Variants in SLC44A1 observed in about 807,000 individuals in gnomAD.
The protein encoded by SLC44A1 is solute carrier family 44 member 1.
A neutral mutation model predicts 79.3 loss-of-function variants in SLC44A1; 26 were observed. The ratio of observed to expected loss-of-function variants is 0.33; its 90% CI spans 0.24 to 0.46. The LOEUF is 0.46. SLC44A1 is among the 20% of genes least tolerant of loss of function. SLC44A1 has a pLI of 1.00. For synonymous variants in SLC44A1, 263 were observed against 286.2 expected, an observed-to-expected ratio of 0.92 and a Z score of 0.82; for missense variants, 688 against 798.1, an observed-to-expected ratio of 0.86 and a Z score of 1.66.
chr9:105,372,452 T>C (rs1828133644), intron 12 of SLC44A1, among the ~76,000 whole-genome samples: 1 of 151,852 alleles, frequency 6.6e-6, no homozygotes, highest in African/African-American at 2.4e-5. Flanking sequence ...CACGCCCGGC[T>C]AATTTTTTTG....
intron 3 of SLC44A1, among the ~76,000 whole-genome samples, chr9:105,312,196 A>G (rs1831200146): frequency 6.6e-6 from 1 of 152,130 alleles, no homozygotes; most frequent in Admixed American, 6.6e-5. Flanking sequence ...GACTTCATGA[A>G]TATTGTTTCT....
At chr9:105,290,138 C>T (rs1354805800) in intron 1 of SLC44A1, among the ~76,000 whole-genome samples, 2 of 152,070 alleles carry the variant, frequency 1.3e-5, no homozygotes, top group Non-Finnish European at 2.9e-5. Flanking sequence ...TTTATCTGTT[C>T]CATCATGGAA....
chr9:105,295,065 G>A (rs980813689), intron 1 of SLC44A1, among the ~76,000 whole-genome samples: 1 of 152,072 alleles, frequency 6.6e-6, no homozygotes, highest in Non-Finnish European at 1.5e-5. Context: ...CTGTCTTACA[G>A]TTCCTGTTTT....
chr9:105,383,847 G>A (rs967373191), intron 14 of SLC44A1, among the ~76,000 whole-genome samples: 24 of 152,288 alleles, frequency 1.6e-4, no homozygotes, highest in African/African-American at 5.8e-4. Flanking sequence ...ACCGATAACA[G>A]ACCCATGACT....
downstream of SLC44A1, among the ~76,000 whole-genome samples, chr9:105,401,398 A>G (rs1828955634): frequency 6.6e-6 from 1 of 152,212 alleles, no homozygotes; most frequent in Non-Finnish European, 1.5e-5. Context: ...CGTATTATTT[A>G]TAAGGGATTA....
chr9:105,297,509 A>G (rs539585800), intron 1 of SLC44A1, among the ~76,000 whole-genome samples: 1 of 152,086 alleles, frequency 6.6e-6, no homozygotes, highest in Admixed American at 6.5e-5. Flanking sequence ...TCAGCCTCCC[A>G]AGTAGCTGGG....
At chr9:105,276,902 A>G (rs1230371145) in intron 1 of SLC44A1, among the ~76,000 whole-genome samples, 1 of 152,174 alleles carries the variant, frequency 6.6e-6, no homozygotes, top group Non-Finnish European at 1.5e-5. Flanking sequence ...ACAGGAAGAT[A>G]TTATGGGGTT....
At chr9:105,411,022 A>G (rs1399563790) in intron 15 of SLC44A1, among the ~76,000 whole-genome samples, 1 of 152,238 alleles carries the variant, frequency 6.6e-6, no homozygotes, top group Non-Finnish European at 1.5e-5. Flanking sequence ...CATGCTTATC[A>G]GGCACTGGGG....
intron 1 of SLC44A1, among the ~76,000 whole-genome samples, chr9:105,281,579 G>A (rs567231262): frequency 6.6e-6 from 1 of 152,150 alleles, no homozygotes; most frequent in Non-Finnish European, 1.5e-5. Context: ...ATATCGTCTG[G>A]AAGGGAGGTT....
At chr9:105,369,947 T>C (rs1478060034) in intron 12 of SLC44A1, among the ~76,000 whole-genome samples, 3 of 152,238 alleles carry the variant, frequency 2.0e-5, no homozygotes, top group African/African-American at 7.2e-5. Flanking sequence ...TTTAAAAAGA[T>C]TCCTGGATGG....
intron 15 of SLC44A1, among the ~76,000 whole-genome samples, chr9:105,428,432 A>G (rs1450907740): frequency 2.0e-5 from 3 of 152,122 alleles, no homozygotes; most frequent in Non-Finnish European, 4.4e-5. Context: ...TAGATCTATG[A>G]TATTCTAAGA....
chr9:105,395,019 G>A lies in SLC44A1; in HGVS notation c.*5963G>A, dbSNP rs1828846985. On this transcript the variant is annotated 3_prime_UTR_variant, in exon 16 of 16. Transcript: ENST00000374720. Reference sequence around the variant, plus strand: ...GAAGGCTCCCTGGGCCCTTGAAAAAGCAGGCAGAAACTCATCAAGGGGTTT... The same window carrying A: ...GAAGGCTCCCTGGGCCCTTGAAAAAACAGGCAGAAACTCATCAAGGGGTTT... 1 of 985,340 alleles carries A rather than the reference G, an allele frequency of 1.0e-6. No homozygotes were observed. The highest frequency in any genetic ancestry group is 1.7e-5 in the African/African-American group (1 of 57,212). The allele number at this position is 985,340 out of a possible 1,614,324, so 61.0% of individuals were successfully genotyped here.
rs1828715260 is a variant in SLC44A1 at position 105,389,703 on chromosome 9, A to G, written c.*647A>G. The G allele has an allele frequency of 7.9e-7, 1 of 1,266,338 alleles. No individual in the cohort carries two copies. Among genetic ancestry groups the G allele is most frequent in the Non-Finnish European group, 1.0e-6 (1 of 1,004,956 alleles). The allele number at this position is 1,266,338 out of a possible 1,614,324, so 78.4% of individuals were successfully genotyped here. On this transcript the variant is annotated 3_prime_UTR_variant, in exon 16 of 16. Coordinates refer to ENST00000374720, the MANE Select transcript of SLC44A1 (RefSeq NM_080546.5). ...CCAACTCCTCAGGTATTTGTAGTTT[A>G]CCCTAACGCTTCTTTAAAAGAAAGT...
intron 4 of SLC44A1, among the ~76,000 whole-genome samples, chr9:105,339,282 C>T (rs901152061): frequency 5.3e-5 from 8 of 151,536 alleles, no homozygotes; most frequent in East Asian, 1.9e-4. Context: ...TGTAGAGAAT[C>T]GGAACCTTTG....
intron 1 of SLC44A1, among the ~76,000 whole-genome samples, chr9:105,258,258 C>T (rs561295319): frequency 2.0e-5 from 3 of 152,200 alleles, no homozygotes; most frequent in African/African-American, 7.2e-5. Context: ...GGAGGTGGTA[C>T]TGATATTAAT....
At chr9:105,388,112 G>T (rs1342926749) in intron 15 of SLC44A1, among the ~76,000 whole-genome samples, 1 of 152,036 alleles carries the variant, frequency 6.6e-6, no homozygotes, top group Non-Finnish European at 1.5e-5. Context: ...TGTAGCATTG[G>T]GTCCCTAAGA....
At chr9:105,352,911 T>C (rs1469655114) in intron 5 of SLC44A1, among the ~76,000 whole-genome samples, 1 of 152,178 alleles carries the variant, frequency 6.6e-6, no homozygotes, top group African/African-American at 2.4e-5. Context: ...TGTTTTTGTT[T>C]GGGGAAAAGT....
chr9:105,368,681 A>T (rs1023347055), intron 12 of SLC44A1, among the ~76,000 whole-genome samples: 1 of 152,214 alleles, frequency 6.6e-6, no homozygotes, highest in Admixed American at 6.5e-5. Flanking sequence ...ATTATAGAAA[A>T]TACGCACACA....
At chr9:105,272,726 C>T (rs146417854) in intron 1 of SLC44A1, among the ~76,000 whole-genome samples, 1 of 151,968 alleles carries the variant, frequency 6.6e-6, no homozygotes, top group Non-Finnish European at 1.5e-5. Flanking sequence ...CCAAATTCCA[C>T]TTAAGGTTGA....
Sources: allele counts gnomAD v4.1 joint callset (sites outside exome capture counted in the v4.1 genomes callset), GRCh38; gene constraint gnomAD v4.1.1; transcripts MANE v1.5; gene names NCBI Gene and HGNC (gene_info 2026-07-23, HGNC 2026-07-21).